Variants in GMCL1 observed in about 807,000 individuals in gnomAD.
GMCL1 encodes germ cell-less 1, spermatogenesis associated, also known as germ cell-less protein-like 1.
In GMCL1, 54 loss-of-function variants were observed where a neutral mutation model predicts 75.5. That is an observed-to-expected ratio of 0.71 (90% CI 0.57 to 0.90). GMCL1 has a LOEUF of 0.90. GMCL1 is among the 40% of genes least tolerant of loss of function. The pLI, the probability that GMCL1 is intolerant of heterozygous loss-of-function variation, is 0.00. For synonymous variants in GMCL1, 210 were observed against 209.6 expected, an observed-to-expected ratio of 1.00 and a Z score of -0.02; for missense variants, 537 against 622.7, an observed-to-expected ratio of 0.86 and a Z score of 1.47.
chr2:69,854,282 T>C (rs2103995244), intron 8 of GMCL1, among the ~76,000 whole-genome samples: 1 of 152,296 alleles, frequency 6.6e-6, no homozygotes, highest in African/African-American at 2.4e-5. Flanking sequence ...CCTGAGTAGC[T>C]GGGATCACAG....
chr2:69,830,764 T>C (rs201838880), intron 1 of GMCL1, among the ~76,000 whole-genome samples: 43 of 62,718 alleles, frequency 6.9e-4, no homozygotes, highest in African/African-American at 3.2e-3. Context: ...GTTTAACCCC[T>C]TTTTTTTTTT....
Position 69,858,480 on chromosome 2 carries a change from G to A in GMCL1, c.1073-2798G>A, listed in dbSNP as rs1675545080. Among the ~76,000 whole-genome samples, 3 of 152,246 alleles carry A rather than the reference G, an allele frequency of 2.0e-5. No homozygotes were observed. The South Asian group carries it at 6.2e-4, about 32-fold the overall frequency. ...TAGCTCTCTGCCAAAAAGGGTTCTG[G>A]CAAACTCTTCCTAGTGTTTCTTCCT... is the stretch of plus-strand genomic sequence containing the variant. On this transcript the variant is annotated intron_variant, in intron 9 of 13. Transcript: ENST00000282570.
chr2:69,870,533 CTT>C (rs1675953894), intron 12 of GMCL1, among the ~76,000 whole-genome samples: 2 of 152,236 alleles, frequency 1.3e-5, no homozygotes, highest in East Asian at 3.9e-4. Flanking sequence ...AAATCACAAA[CTT>C]GTGTATCAGA....
At chr2:69,830,922 A>G (rs1328292777) in intron 1 of GMCL1, among the ~76,000 whole-genome samples, 1 of 151,980 alleles carries the variant, frequency 6.6e-6, no homozygotes, top group Non-Finnish European at 1.5e-5. Context: ...TTTTTAAATG[A>G]TTTCTTTTTC....
chr2:69,864,830 A>G, intron 10 of GMCL1, 70 bp from the exon 11 acceptor site: 2 of 1,007,540 alleles, frequency 2.0e-6, no homozygotes, highest in South Asian at 2.9e-5. Context: ...TCTGTTCTTA[A>G]CTCATAGTTC....
chr2:69,865,640 T>TC (rs1352106575), intron 11 of GMCL1, among the ~76,000 whole-genome samples: 1 of 150,922 alleles, frequency 6.6e-6, no homozygotes, highest in Non-Finnish European at 1.5e-5. Flanking sequence ...AAAGTAAGAC[T>TC]CCATCTCAAA....
chr2:69,852,930 A>G (rs1675360703), intron 8 of GMCL1, among the ~76,000 whole-genome samples: 1 of 152,226 alleles, frequency 6.6e-6, no homozygotes, highest in African/African-American at 2.4e-5. Context: ...AGAAATTTAG[A>G]AAGTTTTCTA....
intron 9 of GMCL1, among the ~76,000 whole-genome samples, chr2:69,860,947 A>G (rs949154312): frequency 6.6e-6 from 1 of 152,124 alleles, no homozygotes; most frequent in African/African-American, 2.4e-5. Context: ...GGTTCAAGCG[A>G]TTCTCCCGCC....
Position 69,830,158 on chromosome 2 carries a change from TGGG to T in GMCL1, c.260+9_260+11del. On this transcript the variant is annotated splice_region_variant and intron_variant, in intron 1 of 13. Transcript: ENST00000282570. ...CTCCTCAACACCCCTCGAAGGTACGTGGGGGCACGCACCCGCGCGGACCCGGAC... is the reference window on the plus strand; with the variant it reads ...CTCCTCAACACCCCTCGAAGGTACGTGGCACGCACCCGCGCGGACCCGGAC... 6.4e-7 allele frequency: 1 copy of T among 1,555,892 alleles called. No homozygotes were observed.
At chr2:69,851,382 T>C (rs554262743) in intron 8 of GMCL1, among the ~76,000 whole-genome samples, 2 of 152,120 alleles carry the variant, frequency 1.3e-5, no homozygotes, top group East Asian at 3.9e-4. Context: ...GAGGCTGAGG[T>C]GGGCAGATCA....
intron 1 of GMCL1, among the ~76,000 whole-genome samples, chr2:69,831,491 G>C (rs1573336009): frequency 6.6e-6 from 1 of 152,168 alleles, no homozygotes; most frequent in East Asian, 1.9e-4. Flanking sequence ...CGCCTGGGTT[G>C]AAGCGATCCT....
chr2:69,833,331 C>T (rs1236728293), intron 1 of GMCL1, among the ~76,000 whole-genome samples: 4 of 152,092 alleles, frequency 2.6e-5, no homozygotes, highest in East Asian at 1.9e-4. Flanking sequence ...AATACTAAGA[C>T]GGGCCAGGCG....
intron 6 of GMCL1, among the ~76,000 whole-genome samples, chr2:69,845,384 G>C (rs1675110534): frequency 6.6e-6 from 1 of 152,166 alleles, no homozygotes; most frequent in South Asian, 2.1e-4. Context: ...AAACCTACAA[G>C]AAATATGGCG....
intron 13 of GMCL1, among the ~76,000 whole-genome samples, chr2:69,875,076 A>G (rs142268405): frequency 2.1e-3 from 326 of 151,782 alleles, no homozygotes; most frequent in African/African-American, 7.6e-3. Context: ...TGTCTTTTCA[A>G]CCTTCAAAAC....
chr2:69,849,860 T>G (rs1229673996), intron 8 of GMCL1, 118 bp downstream of exon 8: 1 of 534,152 alleles, frequency 1.9e-6, no homozygotes, highest in Non-Finnish European at 3.2e-6. Context: ...CTGACTTGTT[T>G]ATAGACTTAA....
rs1676246128 is a variant in GMCL1 at position 69,880,356 on chromosome 2, T to C, written c.*1352T>C. On this transcript the variant is annotated 3_prime_UTR_variant, in exon 14 of 14. Coordinates refer to ENST00000282570, the MANE Select transcript of GMCL1 (RefSeq NM_178439.5). Reference sequence around the variant, plus strand: ...TTTTTTTCCCAACTCCTTTTAACTTTTGGAATTTATTAATAATTTTTTTCT... The same window carrying C: ...TTTTTTTCCCAACTCCTTTTAACTTCTGGAATTTATTAATAATTTTTTTCT... The C allele has an allele frequency of 6.6e-6, 1 of 152,152 alleles. No individual in the cohort carries two copies. The highest frequency in any genetic ancestry group is 1.5e-5 in the Non-Finnish European group (1 of 68,014). 9.4% of individuals were successfully genotyped at this position (152,152 alleles called of 1,614,324 possible).
intron 9 of GMCL1, among the ~76,000 whole-genome samples, chr2:69,855,745 T>C (rs1278563511): frequency 6.6e-6 from 1 of 152,202 alleles, no homozygotes; most frequent in East Asian, 1.9e-4. Flanking sequence ...ATAGATACTG[T>C]TTAAGTCACA....
At position 69,878,551 on chromosome 2, in the gene GMCL1, G is replaced by A. The variant is rs2104081882; in HGVS notation, c.1453-358G>A. 1.3e-5 allele frequency among the ~76,000 whole-genome samples: 2 copies of A among 152,294 alleles called. 1 individual carries two copies. The highest frequency in any genetic ancestry group is 4.1e-4 in the South Asian group (2 of 4,824). On this transcript the variant is annotated intron_variant, in intron 13 of 13. Transcript: ENST00000282570. The stretch of plus-strand genomic sequence containing the variant: ...TTTAAAAATTGAAGCCCAGTGAGAA[G>A]TTTATGTATTTCTAGACATTGTATC...
At chr2:69,856,968 C>T (rs1178177610) in intron 9 of GMCL1, among the ~76,000 whole-genome samples, 2 of 152,114 alleles carry the variant, frequency 1.3e-5, no homozygotes, top group Admixed American at 1.3e-4. Flanking sequence ...AGCTCTCAGC[C>T]TCCTAGTTAT....
Sources: allele counts gnomAD v4.1 joint callset (sites outside exome capture counted in the v4.1 genomes callset), GRCh38; gene constraint gnomAD v4.1.1; transcripts MANE v1.5; gene names NCBI Gene and HGNC (gene_info 2026-07-23, HGNC 2026-07-21).